Variants in SLC44A5 observed in about 807,000 individuals in gnomAD.
The protein encoded by SLC44A5 is choline transporter-like protein 5.
In SLC44A5, 57 loss-of-function variants were observed where a neutral mutation model predicts 101.8. The ratio of observed to expected loss-of-function variants is 0.56; its 90% CI spans 0.45 to 0.70. The LOEUF is 0.70. Among genes scored for constraint, SLC44A5 ranks in the 30% least tolerant of loss-of-function variants. The probability of loss-of-function intolerance (pLI) is 0.00; values close to 1 mark genes in which losing one functional copy is unlikely to be tolerated. For missense variants in SLC44A5, 737 were observed against 853.1 expected (o/e 0.86, Z 1.70); for synonymous variants, 281 against 290.9 (o/e 0.97, Z 0.35).
chr1:75,302,054 G>T (rs1654488403), intron 4 of SLC44A5, among the ~76,000 whole-genome samples: 2 of 134,298 alleles, frequency 1.5e-5, no homozygotes, highest in African/African-American at 2.7e-5. Flanking sequence ...AATTTCATTT[G>T]AATTTAAGAA....
chr1:75,516,637 T>C (rs1278097776), intron 2 of SLC44A5, among the ~76,000 whole-genome samples: 1 of 152,152 alleles, frequency 6.6e-6, no homozygotes, highest in African/African-American at 2.4e-5. Context: ...GATGGGAGAA[T>C]GAATCTAAGT....
At chr1:75,588,723 A>G (rs1291112312) in intron 1 of SLC44A5, among the ~76,000 whole-genome samples, 1 of 138,714 alleles carries the variant, frequency 7.2e-6, no homozygotes, top group Non-Finnish European at 1.5e-5. Flanking sequence ...TGGTTCCTAT[A>G]CTTACTTCAT....
At chr1:75,389,692 A>T (rs1661654214) in intron 3 of SLC44A5, among the ~76,000 whole-genome samples, 1 of 152,200 alleles carries the variant, frequency 6.6e-6, no homozygotes, top group African/African-American at 2.4e-5. Flanking sequence ...ATAGCACTAC[A>T]TACCTATATT....
intron 2 of SLC44A5, among the ~76,000 whole-genome samples, chr1:75,505,333 G>C (rs1303721985): frequency 6.6e-6 from 1 of 152,154 alleles, no homozygotes; most frequent in Non-Finnish European, 1.5e-5. Context: ...ATGAGTGCAT[G>C]TGTCCTTTTG....
chr1:75,639,865 A>AT, the SLC44A5 span, among the ~76,000 whole-genome samples: 1 of 152,136 alleles, frequency 6.6e-6, no homozygotes, highest in South Asian at 2.1e-4. Context: ...ATAAGGGGGT[A>AT]GTCAGATTTG....
At chr1:75,333,469 T>C (rs2101009286) in intron 4 of SLC44A5, among the ~76,000 whole-genome samples, 1 of 151,702 alleles carries the variant, frequency 6.6e-6, no homozygotes, top group Admixed American at 6.6e-5. Flanking sequence ...TTTTTTTTTT[T>C]TTGCACTTTA....
intron 23 of SLC44A5, among the ~76,000 whole-genome samples, chr1:75,209,940 T>C (rs926597380): frequency 6.6e-6 from 1 of 152,206 alleles, no homozygotes; most frequent in Non-Finnish European, 1.5e-5. Flanking sequence ...GACTCTACTT[T>C]CTGTTGGTTT....
intron 23 of SLC44A5, among the ~76,000 whole-genome samples, chr1:75,209,434 T>C (rs1277265135): frequency 6.6e-6 from 1 of 152,208 alleles, no homozygotes; most frequent in Non-Finnish European, 1.5e-5. Flanking sequence ...GCGTCCACCA[T>C]GTTTTAGTGC....
chr1:75,370,770 A>G (rs1258212689), intron 3 of SLC44A5, among the ~76,000 whole-genome samples: 2 of 152,218 alleles, frequency 1.3e-5, no homozygotes, highest in Non-Finnish European at 2.9e-5. Context: ...TAATGAGAAG[A>G]GTCAGGGGTG....
the SLC44A5 span, among the ~76,000 whole-genome samples, chr1:75,664,162 A>C: frequency 2.6e-5 from 4 of 152,148 alleles, no homozygotes; most frequent in Admixed American, 2.6e-4. Flanking sequence ...ATACCTCAGT[A>C]AGAGCCACCT....
chr1:75,432,870 T>G (rs746240719), intron 2 of SLC44A5, among the ~76,000 whole-genome samples: 4 of 152,118 alleles, frequency 2.6e-5, no homozygotes, highest in Non-Finnish European at 5.9e-5. Context: ...TAGTGTGGAT[T>G]TAAACTGAGA....
chr1:75,415,068 G>A (rs1394330442), intron 2 of SLC44A5, among the ~76,000 whole-genome samples: 1 of 152,172 alleles, frequency 6.6e-6, no homozygotes, highest in East Asian at 1.9e-4. Context: ...GGTGAGAGAT[G>A]ATTATATCTT....
chr1:75,245,247 C>A (rs1649003816), intron 7 of SLC44A5, among the ~76,000 whole-genome samples: 2 of 152,136 alleles, frequency 1.3e-5, no homozygotes. Context: ...TGCATGCACA[C>A]ACACAATGAC....
intron 23 of SLC44A5, chr1:75,206,743 G>A: frequency 1.5e-6 from 2 of 1,314,316 alleles, no homozygotes; most frequent in Non-Finnish European, 1.1e-6. Flanking sequence ...AGCCAAAGCA[G>A]GCAAAAGCAG....
intron 2 of SLC44A5, among the ~76,000 whole-genome samples, chr1:75,405,617 A>T (rs1662800111): frequency 6.6e-6 from 1 of 152,226 alleles, no homozygotes; most frequent in Non-Finnish European, 1.5e-5. Flanking sequence ...CTGGGTAAAC[A>T]GCAAAATTAA....
chr1:75,376,556 C>CT (rs1244068680), intron 3 of SLC44A5, among the ~76,000 whole-genome samples: 1 of 152,150 alleles, frequency 6.6e-6, no homozygotes, highest in African/African-American at 2.4e-5. Flanking sequence ...GGAGGCACCC[C>CT]CCAGCAGGGG....
intron 2 of SLC44A5, among the ~76,000 whole-genome samples, chr1:75,536,352 C>A (rs548159752): frequency 6.6e-6 from 1 of 152,148 alleles, no homozygotes; most frequent in Admixed American, 6.5e-5. Context: ...GTAATCCCAG[C>A]CCTTTGGGAG....
At chr1:75,605,491 T>C (rs1675271303) in intron 1 of SLC44A5, among the ~76,000 whole-genome samples, 1 of 152,082 alleles carries the variant, frequency 6.6e-6, no homozygotes, top group South Asian at 2.1e-4. Context: ...GCTATAGTGA[T>C]TTGTAGAGTC....
At chr1:75,255,978 T>G (rs190220615) in intron 6 of SLC44A5, among the ~76,000 whole-genome samples, 50 of 152,292 alleles carry the variant, frequency 3.3e-4, no homozygotes, top group Admixed American at 8.5e-4. Flanking sequence ...TCAGCAAGTT[T>G]ACTTCTTATG....
Sources: gnomAD v4.1 joint callset for allele counts (sites outside exome capture counted in the v4.1 genomes callset) on GRCh38, gnomAD v4.1.1 for gene constraint, MANE v1.5 for transcripts, NCBI Gene and HGNC (gene_info 2026-07-23, HGNC 2026-07-21) for gene names.